Variants in GNAS observed in about 807,000 individuals in gnomAD.
The protein encoded by GNAS is protein ALEX.
A neutral mutation model predicts 54.5 loss-of-function variants in GNAS; 8 were observed. The observed-to-expected ratio is 0.15, with a 90% CI of 0.09 to 0.26. GNAS has a LOEUF of 0.26. GNAS is among the 10% of genes least tolerant of loss of function. The pLI, the probability that GNAS is intolerant of heterozygous loss-of-function variation, is 1.00. For missense variants in GNAS, 170 were observed against 529.8 expected, an observed-to-expected ratio of 0.32 and a Z score of 6.67; for synonymous variants, 204 against 191.4, an observed-to-expected ratio of 1.07 and a Z score of -0.54.
intron 1 of GNAS, chr20:58,842,454 G>C (rs981458866): frequency 1.3e-5 from 5 of 398,504 alleles, no homozygotes; most frequent in African/African-American, 8.2e-5. Context: ...TTCCTTCCAG[G>C]ACCTATTCCG....
rs2087819732 is a variant in GNAS, at chr20:58,876,384, AGGGGC to A, written c.44-19224_44-19220del. On this transcript the variant is annotated intron_variant, in intron 1 of 12. Transcript: ENST00000306090. Reference sequence around the variant, plus strand: ...AATGGCAGAGTTCAAAGTCACTCAGAGGGGCGGGTTTTTATTTTTTTAATGTCACC... The same window carrying A: ...AATGGCAGAGTTCAAAGTCACTCAGAGGGTTTTTATTTTTTTAATGTCACC... Among the ~76,000 whole-genome samples the A allele has an allele frequency of 2.6e-5, 4 of 152,076 alleles. No individual in the cohort carries two copies. The South Asian group carries it at 8.3e-4, about 31-fold the overall frequency.
intron 1 of GNAS, among the ~76,000 whole-genome samples, chr20:58,893,699 A>T (rs1168054054): frequency 1.3e-5 from 2 of 152,254 alleles, no homozygotes; most frequent in Non-Finnish European, 2.9e-5. Flanking sequence ...TAAAACTTTT[A>T]AAGGCAGAAT....
intron 1 of GNAS, among the ~76,000 whole-genome samples, chr20:58,852,432 T>A (rs1023998602): frequency 1.3e-5 from 2 of 152,166 alleles, no homozygotes; most frequent in African/African-American, 4.8e-5. Context: ...ACCTGTCGCA[T>A]CCCTACGCGT....
chr20:58,909,860 T>G lies in GNAS; in HGVS notation c.839+56T>G. ...TTGCCCAGGAGGCCCTGGTCTGCAC[T>G]GTTTATAGAGAAGAACCCCGTGCAA... On this transcript the variant is annotated intron_variant, in intron 10 of 12. Coordinates refer to ENST00000371085, the MANE Select transcript of GNAS (RefSeq NM_000516.7). The surrounding 1 kb of genome is among the most constrained non-coding windows in gnomAD (Gnocchi z 7.3). 6.2e-7 allele frequency: 1 copy of G among 1,612,700 alleles called. No individual in the cohort carries two copies. Among genetic ancestry groups the G allele is most frequent in the Non-Finnish European group, 8.5e-7 (1 of 1,179,582 alleles).
At position 58,906,732 on chromosome 20, in the gene GNAS, A is replaced by G. The variant is rs995230598; in HGVS notation, c.530+1252A>G. Among the ~76,000 whole-genome samples the G allele has an allele frequency of 5.9e-5, 9 of 152,060 alleles. No individual in the cohort carries two copies. In the South Asian group the frequency reaches 1.7e-3, roughly 28 times the overall value. On this transcript the variant is annotated intron_variant, in intron 6 of 12. Transcript: ENST00000371085. ...TTTTTAGTAGAGATGGGGTTTCACC[A>G]TATTGGCCAGGCTGGTCTCGAACTC...
chr20:58,864,919 T>C (rs1425629192), intron 1 of GNAS, among the ~76,000 whole-genome samples: 1 of 146,636 alleles, frequency 6.8e-6, no homozygotes, highest in African/African-American at 2.5e-5. Context: ...CTCTGACCCC[T>C]ACCTACCAGA....
intron 6 of GNAS, 135 bp downstream of exon 6, chr20:58,905,615 G>A (rs2090990141): frequency 2.8e-6 from 2 of 708,656 alleles, no homozygotes; most frequent in Admixed American, 2.0e-5. Context: ...CCCACTGGCA[G>A]AAAGTTCTAA....
chr20:58,884,216 C>T (rs889030684), intron 1 of GNAS, among the ~76,000 whole-genome samples: 13 of 152,186 alleles, frequency 8.5e-5, no homozygotes, highest in Non-Finnish European at 1.8e-4. Context: ...AGATGTAAAA[C>T]TTCTATTTAG....
At chr20:58,900,194 A>C in intron 3 of GNAS, 1 of 565,150 alleles carries the variant, frequency 1.8e-6, no homozygotes, top group Non-Finnish European at 3.1e-6. Flanking sequence ...AGGCATCTCT[A>C]TAAGAAATGA....
chr20:58,898,737 T>C (rs1601064293), intron 2 of GNAS: 1 of 650,214 alleles, frequency 1.5e-6, no homozygotes, highest in Non-Finnish European at 2.8e-6. Context: ...TGTGGGATTC[T>C]TCCCCCATGG....
intron 6 of GNAS, 192 bp from the exon 7 acceptor site, chr20:58,908,970 C>T (rs2091258119): frequency 9.5e-6 from 7 of 740,178 alleles, no homozygotes; most frequent in Non-Finnish European, 1.7e-5. Context: ...ATCCTGTTTG[C>T]CCTAACCTTC....
rs535938655 is a variant in GNAS, at chr20:58,892,674, A to G, written c.139+809A>G. ...GCGCGGAGCAGACGTGTCCCGGGCC[A>G]GGCCGGGCCGTGGAAGGAGGAGAAG... is the stretch of plus-strand genomic sequence containing the variant. On this transcript the variant is annotated intron_variant, in intron 1 of 12. Coordinates refer to ENST00000371085, the MANE Select transcript of GNAS (RefSeq NM_000516.7). Among the ~76,000 whole-genome samples the G allele has an allele frequency of 5.3e-5, 8 of 152,182 alleles. No individual in the cohort carries two copies. In the South Asian group the frequency reaches 1.7e-3, roughly 32 times the overall value.
intron 1 of GNAS, among the ~76,000 whole-genome samples, chr20:58,875,521 C>A (rs191032713): frequency 2.4e-3 from 363 of 152,320 alleles, no homozygotes; most frequent in Admixed American, 4.5e-3. Flanking sequence ...CTTCTAGTTC[C>A]AGCCCCATAC....
At position 58,852,753 on chromosome 20, in the gene GNAS, C is replaced by G. The variant is rs561856480; in HGVS notation, c.43+11867C>G. ...AGTCAGGGAGAGGAGTGGAAGGAGCCAAAACGTCCCTGCGAGGCCTGCGCT... is the reference window on the plus strand; with the variant it reads ...AGTCAGGGAGAGGAGTGGAAGGAGCGAAAACGTCCCTGCGAGGCCTGCGCT... On this transcript the variant is annotated intron_variant, in intron 1 of 12. Transcript: ENST00000306090. 1.3e-4 allele frequency: 28 copies of G among 217,056 alleles called. 1 individual carries two copies. In the South Asian group the frequency reaches 3.9e-3, roughly 30 times the overall value. 13.4% of individuals were successfully genotyped at this position (217,056 alleles called of 1,614,324 possible).
chr20:58,878,912 T>TGGGGGG (rs11086659), intron 1 of GNAS, among the ~76,000 whole-genome samples: 34 of 95,260 alleles, frequency 3.6e-4, no homozygotes, highest in Admixed American at 4.5e-4. Flanking sequence ...GGGGTGCGGG[T>TGGGGGG]GGGGGGGGGA....
chr20:58,897,462 A>G (rs960260704), intron 2 of GNAS: 9 of 152,250 alleles, frequency 5.9e-5, no homozygotes, highest in African/African-American at 1.7e-4. Context: ...GGACATGGCT[A>G]GCATTTTTCA....
chr20:58,909,010 A>T lies in GNAS; in HGVS notation c.531-152A>T, dbSNP rs2091260371. 2.6e-6 allele frequency: 2 copies of T among 771,296 alleles called. No individual in the cohort carries two copies. Among genetic ancestry groups the T allele is most frequent in the Non-Finnish European group, 2.4e-6 (1 of 420,642 alleles). 47.8% of individuals were successfully genotyped at this position (771,296 alleles called of 1,614,324 possible). On this transcript the variant is annotated intron_variant, in intron 6 of 12. Transcript: ENST00000371085. This position sits in a 1 kb window ranked among gnomAD's most constrained non-coding sequence, Gnocchi z 7.3. ...GGCATCAGCTTTGAGTTACAAATGT[A>T]ACCAACACACAAGCAAATGTGCCAT...
chr20:58,902,433 A>G (rs1376927595), intron 3 of GNAS, among the ~76,000 whole-genome samples: 1 of 152,190 alleles, frequency 6.6e-6, no homozygotes, highest in East Asian at 1.9e-4. Context: ...TGGTCCCCAG[A>G]AGCCAAAGGG....
chr20:58,841,434 A>T lies in GNAS; in HGVS notation c.43+548A>T. On this transcript the variant is annotated intron_variant, in intron 1 of 12. Transcript: ENST00000306090. This position sits in a 1 kb window ranked among gnomAD's most constrained non-coding sequence, Gnocchi z 5.0. ...TCTAGAGACTGACCACCCGGGAGGG[A>T]AGTCACGCGCGCGCGGCGCCTAAGC... The T allele has an allele frequency of 1.0e-6, 1 of 990,982 alleles. No homozygotes were observed. The highest frequency in any genetic ancestry group is 5.8e-5 in the Admixed American group (1 of 17,116). The allele number at this position is 990,982 out of a possible 1,614,324, so 61.4% of individuals were successfully genotyped here. A position where few individuals can be genotyped will look rare whatever the true frequency, so the allele number is the denominator to read the frequency against.
Sources: gnomAD v4.1 joint callset for allele counts (sites outside exome capture counted in the v4.1 genomes callset) on GRCh38, gnomAD v4.1.1 for gene constraint, Gnocchi (gnomAD v3.1) non-coding constraint, MANE v1.5 for transcripts, NCBI Gene and HGNC (gene_info 2026-07-23, HGNC 2026-07-21) for gene names.